YIPF6: variants seen among roughly 807,000 people sequenced by gnomAD.
YIPF6 encodes Yip1 domain family member 6.
Under a neutral mutation model 16.8 loss-of-function variants are expected in YIPF6, and 3 were observed. The ratio of observed to expected loss-of-function variants is 0.18; its 90% CI spans 0.08 to 0.46. The LOEUF (loss-of-function observed/expected upper bound fraction) is 0.46. Among genes scored for constraint, YIPF6 ranks in the 20% least tolerant of loss-of-function variants. YIPF6 has a pLI of 0.98. For synonymous variants in YIPF6, 67 were observed against 61.9 expected, an observed-to-expected ratio of 1.08 and a Z score of -0.38; for missense variants, 145 against 184.9, an observed-to-expected ratio of 0.78 and a Z score of 1.25.
rs1370790443 is a variant in YIPF6 at position 68,499,130 on chromosome X, T to G, written c.57+7T>G. ...AGCATCGCCCAGGCCCCTGGTGAGCTTGGGATCTGCGACAAAAGGGACCGA... is the reference window on the plus strand; with the variant it reads ...AGCATCGCCCAGGCCCCTGGTGAGCGTGGGATCTGCGACAAAAGGGACCGA... On this transcript the variant is annotated splice_region_variant and intron_variant, in intron 1 of 6. Coordinates refer to ENST00000462683, the MANE Select transcript of YIPF6 (RefSeq NM_173834.4). The G allele has an allele frequency of 8.5e-7, 1 of 1,177,853 alleles. No individual in the cohort carries two copies. The highest frequency in any genetic ancestry group is 1.1e-6 in the Non-Finnish European group (1 of 878,545).
At chrX:68,504,392 T>C (rs1164487835) in intron 1 of YIPF6, among the ~76,000 whole-genome samples, 1 of 111,443 alleles carries the variant, frequency 9.0e-6, no homozygotes, top group Admixed American at 9.6e-5. Flanking sequence ...TGTTGTGACT[T>C]AAAGCCCCAA....
chrX:68,530,616 C>T (rs2079167156), intron 6 of YIPF6, among the ~76,000 whole-genome samples: 2 of 111,314 alleles, frequency 1.8e-5, no homozygotes, highest in African/African-American at 6.5e-5. Context: ...AGGGAGTGTC[C>T]TGGTGTGCGG....
At chrX:68,500,035 G>A (rs1042569583) in intron 1 of YIPF6, among the ~76,000 whole-genome samples, 2 of 112,492 alleles carry the variant, frequency 1.8e-5, no homozygotes, top group Non-Finnish European at 3.7e-5. Context: ...CACAGGCTTT[G>A]GAGTTAAACT....
chrX:68,508,980 G>T (rs1215188110), intron 1 of YIPF6, among the ~76,000 whole-genome samples: 1 of 111,221 alleles, frequency 9.0e-6, no homozygotes, highest in Non-Finnish European at 1.9e-5. Context: ...TCAGGGTTGA[G>T]CTTTGTTTGT....
chrX:68,518,692 T>A lies in YIPF6; in HGVS notation c.266-78T>A, dbSNP rs2079113705. On this transcript the variant is annotated intron_variant, in intron 3 of 6. Transcript: ENST00000462683. ...GCCAAAGAGAGCCTTGATGTCTGAA[T>A]TCTAGGAGGGAGAGAGGTAGATATT... 9 of 1,110,528 alleles carry A rather than the reference T, an allele frequency of 8.1e-6. No individual in the cohort carries two copies. The South Asian group carries it at 1.9e-4, about 23-fold the overall frequency. The allele number at this position is 1,110,528 out of a possible 1,213,427, so 91.5% of individuals were successfully genotyped here. A position where few individuals can be genotyped will look rare whatever the true frequency, so the allele number is the denominator to read the frequency against.
intron 1 of YIPF6, among the ~76,000 whole-genome samples, chrX:68,499,892 G>T (rs1220448281): frequency 8.9e-6 from 1 of 112,044 alleles, no homozygotes; most frequent in African/African-American, 3.2e-5. Flanking sequence ...CTCCTGCCTC[G>T]GCCTTCCAAA....
chrX:68,518,340 C>G (rs999352543), intron 3 of YIPF6, among the ~76,000 whole-genome samples: 4 of 110,808 alleles, frequency 3.6e-5, no homozygotes, highest in African/African-American at 1.3e-4. Flanking sequence ...CTAGGCAAGT[C>G]ATTTCCTTCT....
chrX:68,514,790 G>A (rs2079094972), intron 3 of YIPF6: 1 of 112,599 alleles, frequency 8.9e-6, no homozygotes, highest in Non-Finnish European at 1.9e-5. Context: ...TGATTTTCAA[G>A]CCTATCATTT....
intron 4 of YIPF6, 135 bp downstream of exon 4, chrX:68,518,947 A>G: frequency 1.8e-6 from 1 of 563,083 alleles, no homozygotes; most frequent in Non-Finnish European, 2.7e-6. Flanking sequence ...TATACTCCTT[A>G]GGTATTTAAG....
At chrX:68,509,826 G>A (rs1234220620) in intron 1 of YIPF6, among the ~76,000 whole-genome samples, 1 of 111,715 alleles carries the variant, frequency 9.0e-6, no homozygotes, top group African/African-American at 3.3e-5. Context: ...TGGCTTTAAG[G>A]CTCTTTCCTC....
At chrX:68,509,169 G>A (rs2079070912) in intron 1 of YIPF6, among the ~76,000 whole-genome samples, 1 of 108,851 alleles carries the variant, frequency 9.2e-6, no homozygotes, top group African/African-American at 3.3e-5. Flanking sequence ...GATTGCAATG[G>A]CGTGATCATA....
intron 6 of YIPF6, among the ~76,000 whole-genome samples, chrX:68,527,500 T>TA (rs1290241113): frequency 8.9e-6 from 1 of 111,912 alleles, no homozygotes; most frequent in Non-Finnish European, 1.9e-5. Context: ...AGTTATTTCT[T>TA]ATCTTCTGCC....
intron 3 of YIPF6, chrX:68,514,239 A>AATATAT (rs951373022): frequency 1.6e-4 from 15 of 94,694 alleles, no homozygotes; most frequent in Admixed American, 4.8e-4. Context: ...AAAAAAAAAA[A>AATATAT]ATATATATAT....
chrX:68,520,889 C>T, intron 4 of YIPF6, among the ~76,000 whole-genome samples: 1 of 111,190 alleles, frequency 9.0e-6, no homozygotes, highest in Non-Finnish European at 1.9e-5. Context: ...GACTGTAAGC[C>T]CCTTGTACTT....
At chrX:68,523,594 A>G (rs1453866243) in intron 6 of YIPF6, among the ~76,000 whole-genome samples, 1 of 112,483 alleles carries the variant, frequency 8.9e-6, no homozygotes, top group Non-Finnish European at 1.9e-5. Context: ...TATAGCAATG[A>G]TAATGAATGC....
intron 6 of YIPF6, among the ~76,000 whole-genome samples, chrX:68,529,951 G>T (rs1163507745): frequency 1.8e-5 from 2 of 111,977 alleles, no homozygotes; most frequent in African/African-American, 6.5e-5. Context: ...GAGGCATGGG[G>T]GTCAGGGATC....
chrX:68,516,985 A>G (rs2079105189), intron 3 of YIPF6, among the ~76,000 whole-genome samples: 1 of 109,534 alleles, frequency 9.1e-6, no homozygotes, highest in African/African-American at 3.3e-5. Flanking sequence ...CACCTGGCTA[A>G]TTTTTTTGTA....
At chrX:68,517,278 G>A (rs2079106779) in intron 3 of YIPF6, among the ~76,000 whole-genome samples, 2 of 111,888 alleles carry the variant, frequency 1.8e-5, no homozygotes, top group Non-Finnish European at 3.8e-5. Context: ...CTCCCAAGTA[G>A]CTGGGATTAC....
chrX:68,499,225 G>A lies in YIPF6; in HGVS notation c.57+102G>A, dbSNP rs2079031510. 3.9e-6 allele frequency: 4 copies of A among 1,012,763 alleles called. No homozygotes were observed. The Admixed American group carries it at 1.1e-4, about 29-fold the overall frequency. The allele number at this position is 1,012,763 out of a possible 1,213,427, so 83.5% of individuals were successfully genotyped here. ...TGGCCTGAGAGCCGGAGCTCCTTCC[G>A]CCCGGCAGGCCCTTCTTGTACCCGA... On this transcript the variant is annotated intron_variant, in intron 1 of 6. Transcript: ENST00000462683.
Sources: allele counts gnomAD v4.1 joint callset (sites outside exome capture counted in the v4.1 genomes callset), GRCh38; gene constraint gnomAD v4.1.1; transcripts MANE v1.5; gene names NCBI Gene and HGNC (gene_info 2026-07-23, HGNC 2026-07-21).